PGLS: variants seen among roughly 807,000 people sequenced by gnomAD.
The protein encoded by PGLS is epididymis secretory protein Li 304.
PGLS carries 21 observed loss-of-function variants against 23.2 expected under a neutral mutation model. The observed-to-expected ratio is 0.91, with a 90% CI of 0.64 to 1.31. The LOEUF (loss-of-function observed/expected upper bound fraction) is 1.31, where lower values mean the gene tolerates loss of function less well. Among genes scored for constraint, PGLS ranks in the 50% most tolerant of loss-of-function variants. The probability of loss-of-function intolerance (pLI) is 0.00; values close to 1 mark genes in which losing one functional copy is unlikely to be tolerated. For synonymous variants in PGLS, 179 were observed against 165.4 expected, an observed-to-expected ratio of 1.08 and a Z score of -0.63; for missense variants, 410 against 354.0, an observed-to-expected ratio of 1.16 and a Z score of -1.27.
intron 1 of PGLS, among the ~76,000 whole-genome samples, chr19:17,514,618 A>G (rs2075524656): frequency 6.6e-6 from 1 of 151,596 alleles, no homozygotes; most frequent in Non-Finnish European, 1.5e-5. Flanking sequence ...CAGCCTCCTC[A>G]GTAGCTGGGA....
rs2075508170 is a variant in PGLS at position 17,511,828 on chromosome 19, G to A, written c.156G>A (p.Ser52=). The A allele has an allele frequency of 2.0e-6, 3 of 1,520,026 alleles. No homozygotes were observed. In the East Asian group the frequency reaches 7.9e-5, roughly 40 times the overall value. 94.2% of individuals were successfully genotyped at this position (1,520,026 alleles called of 1,614,324 possible). A position where few individuals can be genotyped will look rare whatever the true frequency, so the allele number is the denominator to read the frequency against. ...ALGLSGGSLV[S]MLARELPAAV... ...GCCTGTCGGGCGGGAGCCTCGTCTCGATGCTAGCCCGCGAGCTACCCGCCG... is the reference window on the plus strand; with the variant it reads ...GCCTGTCGGGCGGGAGCCTCGTCTCAATGCTAGCCCGCGAGCTACCCGCCG... Residue 52 remains serine, a synonymous_variant, in exon 1 of 5, where the codon TCG becomes TCA. Transcript: ENST00000252603.
Position 17,520,239 on chromosome 19 carries a change from C to T in PGLS, c.640-705C>T, listed in dbSNP as rs139132815. On this transcript the variant is annotated intron_variant, in intron 4 of 4. Transcript: ENST00000252603. The stretch of plus-strand genomic sequence containing the variant: ...CAGCCTGGCTAATATGGTGAAACCC[C>T]GTCTCTACTAAAAATATAAAAAATT... 7.2e-5 allele frequency among the ~76,000 whole-genome samples: 11 copies of T among 152,046 alleles called. No homozygotes were observed. In the East Asian group the frequency reaches 9.7e-4, roughly 13 times the overall value.
Position 17,511,961 on chromosome 19 carries a change from G to C in PGLS, c.288+1G>C, listed in dbSNP as rs760985370. 1.9e-6 allele frequency: 3 copies of C among 1,546,894 alleles called. No individual in the cohort carries two copies. On this transcript the variant is annotated splice_donor_variant, in intron 1 of 4. Transcript: ENST00000252603. LOFTEE classifies it high-confidence loss of function. ...CGAGAGCACGTACGGCCTCTACCGG[G>C]TGAGAGCTACGGGGGCCGCCGGGGA...
chr19:17,519,292 C>T (rs1011064155), intron 4 of PGLS, among the ~76,000 whole-genome samples: 3 of 138,138 alleles, frequency 2.2e-5, no homozygotes, highest in Non-Finnish European at 4.6e-5. Context: ...CCAGCCTGGG[C>T]GACAAGAACG....
In PGLS at chr19:17,521,080, A is replaced by G; in HGVS notation, c.776A>G (p.Ter259TrpextTer?). ...CCCTTCGAGAAGCATTCCACTTTGT[A>G]GCTGGCCAGAGGGACGCCGCAGCTG... is the stretch of plus-strand genomic sequence containing the variant. ...TVPFEKHSTL[*>W] Residue 259 changes from the stop codon to tryptophan (W), a stop_lost, in exon 5 of 5, where the codon TAG becomes TGG. Transcript: ENST00000252603. The G allele has an allele frequency of 6.3e-7, 1 of 1,596,030 alleles. No homozygotes were observed. Among genetic ancestry groups the G allele is most frequent in the Non-Finnish European group, 8.5e-7 (1 of 1,170,348 alleles).
At chr19:17,517,991 T>A (rs2075541258) in intron 4 of PGLS, 141 bp downstream of exon 4, 2 of 702,684 alleles carry the variant, frequency 2.8e-6, no homozygotes, top group South Asian at 7.1e-5. Flanking sequence ...TAACTTGAAA[T>A]TGCAATTAGA....
At chr19:17,517,625 C>A (rs531887682) in intron 3 of PGLS, 85 bp from the exon 4 acceptor site, 24 of 1,464,860 alleles carry the variant, frequency 1.6e-5, no homozygotes, top group Non-Finnish European at 1.9e-6. Flanking sequence ...GGAACAGTGG[C>A]TGGACCAGGC....
intron 4 of PGLS, 138 bp from the exon 5 acceptor site, chr19:17,520,806 C>G: frequency 1.2e-6 from 1 of 851,714 alleles, no homozygotes; most frequent in Non-Finnish European, 1.7e-6. Context: ...CTGTTTGGCA[C>G]TAGGACAGCT....
intron 1 of PGLS, among the ~76,000 whole-genome samples, chr19:17,514,768 T>G (rs2075525291): frequency 6.6e-6 from 1 of 152,150 alleles, no homozygotes. Flanking sequence ...TTCTCCTGCC[T>G]CAGCCTCCCA....
rs1235349177 is a variant in PGLS, at chr19:17,511,699, C to G, written c.27C>G (p.Ile9Met). The G allele has an allele frequency of 8.6e-6, 13 of 1,508,402 alleles. No individual in the cohort carries two copies. The highest frequency in any genetic ancestry group is 1.2e-5 in the South Asian group (1 of 82,294). The allele number at this position is 1,508,402 out of a possible 1,614,324, so 93.4% of individuals were successfully genotyped here. The change falls in exon 1 of 5, where the codon ATC (isoleucine) becomes ATG (methionine). Residue 9 changes from isoleucine to methionine, a missense_variant. Coordinates refer to ENST00000252603, the MANE Select transcript of PGLS (RefSeq NM_012088.3). ...TGGCCGCGCCGGCCCCGGGCCTCAT[C>G]TCGGTGTTCTCGAGTTCCCAGGAGC... MAAPAPGL[I>M]SVFSSSQELG...
intron 4 of PGLS, chr19:17,518,325 C>T (rs1276995325): frequency 6.6e-6 from 1 of 151,792 alleles, no homozygotes; most frequent in East Asian, 1.9e-4. Flanking sequence ...GATAGAAAAG[C>T]TCCTGACAAG....
At chr19:17,520,900 C>A (rs1243838156) in intron 4 of PGLS, 44 bp from the exon 5 acceptor site, 2 of 1,517,058 alleles carry the variant, frequency 1.3e-6, no homozygotes, top group South Asian at 1.2e-5. Context: ...AGGGGCGGTG[C>A]CTGGGCCGCA....
chr19:17,520,145 CT>C (rs112406118), intron 4 of PGLS, among the ~76,000 whole-genome samples: 17,949 of 151,876 alleles, frequency 0.12, 1,388 homozygotes, highest in African/African-American at 0.21. Context: ...AGCGCAAGAC[CT>C]TGTCTCAAAA....
At position 17,521,226 on chromosome 19, in the gene PGLS, C is replaced by A; in HGVS notation, c.*145C>A. On this transcript the variant is annotated 3_prime_UTR_variant, in exon 5 of 5. Coordinates refer to ENST00000252603, the MANE Select transcript of PGLS (RefSeq NM_012088.3). Reference sequence around the variant, plus strand: ...AACAGCCTCCGGCCAGCAGCCCTACCCGGGGCTCAACACACAGGCTGTGGC... The same window carrying A: ...AACAGCCTCCGGCCAGCAGCCCTACACGGGGCTCAACACACAGGCTGTGGC... 1.3e-6 allele frequency: 1 copy of A among 777,154 alleles called. No homozygotes were observed. The highest frequency in any genetic ancestry group is 2.9e-5 in the East Asian group (1 of 35,008). The allele number at this position is 777,154 out of a possible 1,614,324, so 48.1% of individuals were successfully genotyped here.
At chr19:17,520,344 T>A (rs2075551324) in intron 4 of PGLS, 1 of 151,716 alleles carries the variant, frequency 6.6e-6, no homozygotes, top group African/African-American at 2.4e-5. Flanking sequence ...GTTCAGGAGT[T>A]CTAGACCAGC....
chr19:17,511,941 G>C lies in PGLS; in HGVS notation c.269G>C (p.Ser90Thr). The C allele has an allele frequency of 6.4e-7, 1 of 1,550,584 alleles. No homozygotes were observed. Among genetic ancestry groups the C allele is most frequent in the Non-Finnish European group, 8.7e-7 (1 of 1,149,818 alleles). Residue 90 changes from serine to threonine, a missense_variant, in exon 1 of 5, where the codon AGC becomes ACC. Ser to Thr is a moderately conservative substitution (Grantham distance 58). Coordinates refer to ENST00000252603, the MANE Select transcript of PGLS (RefSeq NM_012088.3). ...ERLVPFDHAE[S>T]TYGLYRTHLL... ...CTCGTGCCCTTCGATCACGCCGAGA[G>C]CACGTACGGCCTCTACCGGGTGAGA...
chr19:17,516,363 A>C (rs2075532612), intron 2 of PGLS, 83 bp downstream of exon 2: 2 of 1,523,798 alleles, frequency 1.3e-6, no homozygotes, highest in Non-Finnish European at 1.8e-6. Context: ...TCTGATTGTC[A>C]CCAGCAGGAA....
chr19:17,516,311 C>T, intron 2 of PGLS, 31 bp downstream of exon 2: 1 of 1,600,046 alleles, frequency 6.2e-7, no homozygotes, highest in Non-Finnish European at 8.5e-7. Flanking sequence ...GCAAGGGAGT[C>T]ACATCCACGA....
At chr19:17,516,520 G>C in intron 2 of PGLS, 1 of 1,319,354 alleles carries the variant, frequency 7.6e-7, no homozygotes, top group Non-Finnish European at 9.8e-7. Flanking sequence ...TGATGGGTAT[G>C]GCTATGGCTT....
Sources: gnomAD v4.1 joint callset for allele counts (sites outside exome capture counted in the v4.1 genomes callset) on GRCh38, gnomAD v4.1.1 for gene constraint, MANE v1.5 for transcripts, NCBI Gene and HGNC (gene_info 2026-07-23, HGNC 2026-07-21) for gene names.